Variants in EFTUD2 observed in about 807,000 individuals in gnomAD.
EFTUD2 encodes elongation factor Tu GTP binding domain containing 2.
Under a neutral mutation model 114.3 loss-of-function variants are expected in EFTUD2, and 9 were observed. The observed-to-expected ratio is 0.08, with a 90% confidence interval of 0.05 to 0.14. The LOEUF (loss-of-function observed/expected upper bound fraction) is 0.14, where lower values mean the gene tolerates loss of function less well. Among genes scored for constraint, EFTUD2 ranks in the 10% least tolerant of loss-of-function variants. EFTUD2 has a pLI of 1.00. For missense variants in EFTUD2, 765 were observed against 1,241.2 expected (o/e 0.62, Z 5.76); for synonymous variants, 449 against 462.3 (o/e 0.97, Z 0.37).
rs145185431 is a variant in EFTUD2 at position 44,858,169 on chromosome 17, G to A, written c.1962+911C>T. On this transcript the variant is annotated intron_variant, in intron 19 of 27. Coordinates refer to ENST00000426333, the MANE Select transcript of EFTUD2 (RefSeq NM_004247.4). The stretch of plus-strand genomic sequence containing the variant: ...ACTCCTGACCTCAAGCAATCCAACC[G>A]CCTTGGACTTTCAAAGTGTTGGGGT... Among the ~76,000 whole-genome samples the A allele has an allele frequency of 7.8e-3, 1,193 of 152,152 alleles. 25 individuals carry two copies. The highest frequency in any genetic ancestry group is 0.04 in the Admixed American group (613 of 15,268).
At chr17:44,896,294 T>C (rs1241853434) in intron 1 of EFTUD2, among the ~76,000 whole-genome samples, 2 of 152,214 alleles carry the variant, frequency 1.3e-5, no homozygotes, top group African/African-American at 4.8e-5. Flanking sequence ...CCTCAATTTC[T>C]CATTCCTCTA....
At chr17:44,873,058 T>G (rs1024708717) in intron 10 of EFTUD2, 2 of 152,678 alleles carry the variant, frequency 1.3e-5, no homozygotes, top group Non-Finnish European at 2.9e-5. Context: ...GTGTTAAAAC[T>G]TTCAATCTTA....
chr17:44,861,167 G>A (rs2050652277), intron 16 of EFTUD2, among the ~76,000 whole-genome samples: 1 of 152,212 alleles, frequency 6.6e-6, no homozygotes, highest in African/African-American at 2.4e-5. Context: ...AAGGCCGGGT[G>A]TGGCGGCTCA....
At chr17:44,859,242 C>T (rs2050612155) in intron 18 of EFTUD2, 61 bp from the exon 19 acceptor site, 1 of 1,205,850 alleles carries the variant, frequency 8.3e-7, no homozygotes, top group African/African-American at 1.5e-5. Context: ...CACACACAAA[C>T]AAAATCAAGG....
In EFTUD2 at chr17:44,857,111, G is replaced by C; in HGVS notation, c.2009C>G (p.Ser670Cys). 1 of 1,614,042 alleles carries C rather than the reference G, an allele frequency of 6.2e-7. No homozygotes were observed. Among genetic ancestry groups the C allele is most frequent in the Non-Finnish European group, 8.5e-7 (1 of 1,179,928 alleles). ...CGTTTCAGCAAAGCACTTGAGGGAG[G>C]ATGTTTCCACCACCGTCTCACAAAA... The part of the protein sequence containing the change: ...VTFCETVVET[S>C]SLKCFAETPN... Residue 670 changes from serine to cysteine, a missense_variant, in exon 20 of 28, where the codon TCC becomes TGC. By Grantham distance (112) the Ser-to-Cys change is moderately radical. Around this residue, in one of 6 missense-constraint regions of EFTUD2, gnomAD observed 166 missense variants for 401.5 expected, o/e 0.41. Transcript: ENST00000426333.
intron 10 of EFTUD2, 50 bp downstream of exon 10, chr17:44,875,883 TA>T: frequency 6.3e-7 from 1 of 1,593,716 alleles, no homozygotes; most frequent in African/African-American, 1.3e-5. Flanking sequence ...TATTCAGGGT[TA>T]AAACCCAGAG....
At chr17:44,896,873 C>A (rs552813686) in intron 1 of EFTUD2, among the ~76,000 whole-genome samples, 16 of 152,254 alleles carry the variant, frequency 1.1e-4, no homozygotes, top group Non-Finnish European at 2.2e-4. Flanking sequence ...GAATAATCCT[C>A]ACTGAATAAA....
chr17:44,876,855 C>CCA (rs2050963198), intron 9 of EFTUD2, among the ~76,000 whole-genome samples: 2 of 48,232 alleles, frequency 4.1e-5, no homozygotes, highest in Non-Finnish European at 6.8e-5. Context: ...GACTCCGTCT[C>CCA]AAAAAAAAAA....
intron 13 of EFTUD2, among the ~76,000 whole-genome samples, chr17:44,867,263 A>G (rs549175476): frequency 6.6e-6 from 1 of 151,516 alleles, no homozygotes; most frequent in South Asian, 2.1e-4. Context: ...CTCTAGGAGA[A>G]GTCTTTTCTT....
At chr17:44,863,955 G>C in intron 14 of EFTUD2, 173 bp from the exon 15 acceptor site, 1 of 815,046 alleles carries the variant, frequency 1.2e-6, no homozygotes, top group Non-Finnish European at 1.8e-6. Context: ...TGTGCTGCTA[G>C]AAGATTTGGA....
intron 6 of EFTUD2, 146 bp from the exon 7 acceptor site, chr17:44,881,868 T>G (rs922912586): frequency 2.6e-5 from 18 of 701,910 alleles, no homozygotes; most frequent in Non-Finnish European, 4.3e-5. Context: ...CCCACAGCAA[T>G]TACAGACAAT....
At chr17:44,893,691 G>A (rs2051322744) in intron 2 of EFTUD2, among the ~76,000 whole-genome samples, 1 of 145,478 alleles carries the variant, frequency 6.9e-6, no homozygotes, top group South Asian at 2.1e-4. Context: ...TTATAAAAAG[G>A]ACAATCTCAA....
chr17:44,879,590 T>C lies in EFTUD2; in HGVS notation c.668A>G (p.Asp223Gly). ...DEVTAGLRISDGVVLFIDAAE... is the reference protein window; with the variant it reads ...DEVTAGLRISGGVVLFIDAAE... ...AGCATCAATGAAAAGGACCACTCCA[T>C]CTGAGATGCGCAAGCCAGCTGTGAC... Residue 223 changes from aspartate to glycine, a missense_variant, in exon 9 of 28, where the codon GAT (aspartate) becomes GGT (glycine). Transcript: ENST00000426333. 1 of 1,613,986 alleles carries C rather than the reference T, an allele frequency of 6.2e-7. No individual in the cohort carries two copies. Among genetic ancestry groups the C allele is most frequent in the Non-Finnish European group, 8.5e-7 (1 of 1,179,962 alleles).
intron 3 of EFTUD2, 43 bp downstream of exon 3, chr17:44,886,541 AG>A: frequency 6.2e-7 from 1 of 1,601,086 alleles, no homozygotes; most frequent in Non-Finnish European, 8.5e-7. Flanking sequence ...TGAAGTTTCC[AG>A]GTTTCAATTT....
chr17:44,856,758 C>CA (rs551023404), intron 20 of EFTUD2, among the ~76,000 whole-genome samples: 53,545 of 124,282 alleles, frequency 0.43, 10,414 homozygotes, highest in African/African-American at 0.53. Flanking sequence ...CAGCCTGTGT[C>CA]AAAAAAAAAA....
At chr17:44,878,249 G>T (rs2051004668) in intron 9 of EFTUD2, among the ~76,000 whole-genome samples, 1 of 152,200 alleles carries the variant, frequency 6.6e-6, no homozygotes, top group Non-Finnish European at 1.5e-5. Flanking sequence ...GATAAAGTTT[G>T]ATAAGGAGAA....
intron 11 of EFTUD2, among the ~76,000 whole-genome samples, chr17:44,872,200 A>T (rs1054829967): frequency 3.3e-5 from 5 of 152,214 alleles, no homozygotes; most frequent in African/African-American, 1.2e-4. Flanking sequence ...AGAGACTTTT[A>T]TTCCTAAAAT....
At chr17:44,863,915 T>A in intron 14 of EFTUD2, 133 bp from the exon 15 acceptor site, 1 of 1,226,950 alleles carries the variant, frequency 8.2e-7, no homozygotes, top group Non-Finnish European at 1.1e-6. Flanking sequence ...GCTCTGGCAC[T>A]ATAGATAGTG....
intron 19 of EFTUD2, among the ~76,000 whole-genome samples, chr17:44,857,920 CT>C (rs528299306): frequency 2.9e-3 from 366 of 127,514 alleles, no homozygotes; most frequent in Middle Eastern, 8.6e-3. Context: ...TTTCTTTTTC[CT>C]TTTTTTTTTT....
Sources: allele counts gnomAD v4.1 joint callset (sites outside exome capture counted in the v4.1 genomes callset), GRCh38; gene constraint gnomAD v4.1.1; regional missense constraint gnomAD v4.1.1; transcripts MANE v1.5; gene names NCBI Gene and HGNC (gene_info 2026-07-23, HGNC 2026-07-21).